Variants in GLCCI1 observed in about 807,000 individuals in gnomAD.
GLCCI1 encodes the protein glucocorticoid-induced transcript 1 protein.
A neutral mutation model predicts 52.2 loss-of-function variants in GLCCI1; 24 were observed. That is an observed-to-expected ratio of 0.46 (90% CI 0.33 to 0.65). The LOEUF (loss-of-function observed/expected upper bound fraction) is 0.65. GLCCI1 is among the 30% of genes least tolerant of loss of function. The probability of loss-of-function intolerance (pLI) is 0.02; values close to 1 mark genes in which losing one functional copy is unlikely to be tolerated. For missense variants in GLCCI1, 704 were observed against 701.5 expected, an observed-to-expected ratio of 1.00 and a Z score of -0.04; for synonymous variants, 310 against 276.5, an observed-to-expected ratio of 1.12 and a Z score of -1.20.
At chr7:8,074,789 A>G (rs1368986694) in intron 6 of GLCCI1, among the ~76,000 whole-genome samples, 1 of 152,224 alleles carries the variant, frequency 6.6e-6, no homozygotes, top group Non-Finnish European at 1.5e-5. Flanking sequence ...TAGCTTTCCT[A>G]GAGCTTTTCA....
At chr7:8,076,326 T>C (rs1782876584) in intron 6 of GLCCI1, among the ~76,000 whole-genome samples, 1 of 152,206 alleles carries the variant, frequency 6.6e-6, no homozygotes, top group Non-Finnish European at 1.5e-5. Context: ...TATATGGTTC[T>C]AGGGCGCTTA....
At chr7:8,019,124 G>T (rs1781431972) in intron 2 of GLCCI1, among the ~76,000 whole-genome samples, 1 of 152,014 alleles carries the variant, frequency 6.6e-6, no homozygotes, top group Non-Finnish European at 1.5e-5. Context: ...TTTTGTTTTG[G>T]CTAAAATAAC....
chr7:7,975,137 A>G (rs1418375092), intron 1 of GLCCI1, among the ~76,000 whole-genome samples: 2 of 152,124 alleles, frequency 1.3e-5, no homozygotes, highest in African/African-American at 4.8e-5. Flanking sequence ...CCATAAGTTG[A>G]CTCATCATTT....
At chr7:8,041,491 A>G (rs930123240) in intron 3 of GLCCI1, among the ~76,000 whole-genome samples, 1 of 152,266 alleles carries the variant, frequency 6.6e-6, no homozygotes, top group Admixed American at 6.5e-5. Flanking sequence ...AAACAGCTGT[A>G]CTGTGGAATA....
intron 3 of GLCCI1, among the ~76,000 whole-genome samples, chr7:8,031,310 C>G (rs1005178324): frequency 1.7e-4 from 26 of 152,218 alleles, no homozygotes; most frequent in African/African-American, 6.3e-4. Flanking sequence ...ACAAACATTG[C>G]ATGTTCTCAG....
At chr7:7,990,472 GC>G (rs1780817094) in intron 1 of GLCCI1, among the ~76,000 whole-genome samples, 1 of 151,982 alleles carries the variant, frequency 6.6e-6, no homozygotes, top group African/African-American at 2.4e-5. Flanking sequence ...ATGACACTTT[GC>G]CCTACACTTG....
At position 8,060,108 on chromosome 7, in the gene GLCCI1, A is replaced by T; in HGVS notation, c.826A>T (p.Arg276Trp). The T allele has an allele frequency of 6.2e-7, 1 of 1,612,000 alleles. No individual in the cohort carries two copies. Among genetic ancestry groups the T allele is most frequent in the Non-Finnish European group, 8.5e-7 (1 of 1,179,288 alleles). Residue 276 changes from arginine to tryptophan, a missense_variant, in exon 5 of 8, where the codon AGG (arginine) becomes TGG (tryptophan). Physicochemically the swap from Arg to Trp is moderately radical, Grantham distance 101. Transcript: ENST00000223145. ...TISHTQATGS[R>W]SVPMPLSNIS... ...TCTTATCTCATAGGCTACTGGATCA[A>T]GGTCAGTTCCTATGCCACTGTCAAA...
intron 3 of GLCCI1, among the ~76,000 whole-genome samples, chr7:8,048,941 G>A (rs1782195674): frequency 6.6e-6 from 1 of 152,076 alleles, no homozygotes; most frequent in Non-Finnish European, 1.5e-5. Context: ...TGTCCCAGAG[G>A]GAACGTAAGT....
chr7:8,079,285 G>T (rs12537870), intron 6 of GLCCI1, among the ~76,000 whole-genome samples: 24,500 of 150,680 alleles, frequency 0.16, 2,137 homozygotes, highest in East Asian at 0.25. Flanking sequence ...TCTGTTTTTT[G>T]TTTTTTTAAA....
chr7:7,976,505 G>GAAAAAAAAAAAAAAAAAAAAAA (rs1562413230), intron 1 of GLCCI1, among the ~76,000 whole-genome samples: 1 of 87,568 alleles, frequency 1.1e-5, no homozygotes, highest in African/African-American at 5.0e-5. Context: ...AAAAGGAAAG[G>GAAAAAAAAAAAAAAAAAAAAAA]AAAAAGGAAA....
At chr7:7,996,544 C>T (rs1023696248) in intron 1 of GLCCI1, among the ~76,000 whole-genome samples, 1 of 152,120 alleles carries the variant, frequency 6.6e-6, no homozygotes, top group Non-Finnish European at 1.5e-5. Context: ...AAAGATACTC[C>T]CTTGAGTTTT....
rs1317498015 is a variant in GLCCI1 at position 8,085,096 on chromosome 7, T to C, written c.1298+79T>C. On this transcript the variant is annotated intron_variant, in intron 7 of 7. Transcript: ENST00000223145. ...CTGAGACCAGTTGATTACATATGAA[T>C]CAACTACTCTATCCAGCTGATAATG... The C allele has an allele frequency of 2.0e-6, 3 of 1,492,484 alleles. No individual in the cohort carries two copies. In the East Asian group the frequency reaches 6.8e-5, roughly 34 times the overall value. 92.5% of individuals were successfully genotyped at this position (1,492,484 alleles called of 1,614,324 possible).
intron 5 of GLCCI1, among the ~76,000 whole-genome samples, chr7:8,063,895 A>G: frequency 6.6e-6 from 1 of 152,162 alleles, no homozygotes; most frequent in East Asian, 1.9e-4. Context: ...TGCTAGGATT[A>G]TAATTACAGG....
At chr7:8,082,538 T>C (rs962751524) in intron 6 of GLCCI1, among the ~76,000 whole-genome samples, 5 of 152,144 alleles carry the variant, frequency 3.3e-5, no homozygotes, top group African/African-American at 1.2e-4. Flanking sequence ...GTTTATAGTC[T>C]CAAAATTTTT....
At chr7:7,976,314 A>G (rs1356978161) in intron 1 of GLCCI1, among the ~76,000 whole-genome samples, 2 of 151,444 alleles carry the variant, frequency 1.3e-5, no homozygotes, top group Admixed American at 6.6e-5. Flanking sequence ...CCCTGTCTCT[A>G]CTAAAAATAC....
intron 2 of GLCCI1, among the ~76,000 whole-genome samples, chr7:8,014,033 A>T (rs1225506957): frequency 5.1e-5 from 7 of 138,184 alleles, no homozygotes; most frequent in Admixed American, 4.8e-4. Flanking sequence ...TCTGTCGCCC[A>T]GGCTGGAGTG....
chr7:7,973,181 A>G (rs1218330811), intron 1 of GLCCI1, among the ~76,000 whole-genome samples: 1 of 152,192 alleles, frequency 6.6e-6, no homozygotes, highest in Non-Finnish European at 1.5e-5. Flanking sequence ...TTGTAATGGT[A>G]ATACATAAAG....
rs146509176 is a variant in GLCCI1 at position 8,016,509 on chromosome 7, A to G, written c.610-5974A>G. ...AAACCAATTAAGATCATAGAGTTAT[A>G]GTTTAAAATTAGGTCATAGTTTACG... is the stretch of plus-strand genomic sequence containing the variant. On this transcript the variant is annotated intron_variant, in intron 2 of 7. Transcript: ENST00000223145. Among the ~76,000 whole-genome samples, 857 of 152,238 alleles carry G rather than the reference A, an allele frequency of 5.6e-3. 4 individuals are homozygous for G. Among genetic ancestry groups the G allele is most frequent in the African/African-American group, 0.019 (799 of 41,550 alleles).
rs1379774207 is a variant in GLCCI1, at chr7:8,059,965, A to G, written c.814-131A>G. On this transcript the variant is annotated intron_variant, in intron 4 of 7. Transcript: ENST00000223145. The stretch of plus-strand genomic sequence containing the variant: ...ACCTAAATTTCTATATGTGCACCTG[A>G]ATTTTATTGTATTTGAAAGGTCAGA... 2.2e-5 allele frequency: 16 copies of G among 737,658 alleles called. No homozygotes were observed. The Admixed American group carries it at 3.4e-4, about 15-fold the overall frequency. The allele number at this position is 737,658 out of a possible 1,614,324, so 45.7% of individuals were successfully genotyped here.
Sources: allele counts gnomAD v4.1 joint callset (sites outside exome capture counted in the v4.1 genomes callset), GRCh38; gene constraint gnomAD v4.1.1; transcripts MANE v1.5; gene names NCBI Gene and HGNC (gene_info 2026-07-23, HGNC 2026-07-21).